SYT16: variants seen among roughly 807,000 people sequenced by gnomAD.
SYT16 encodes synaptotagmin 16, also known as synaptotagmin-16.
SYT16 carries 42 observed loss-of-function variants against 61.4 expected under a neutral mutation model. The ratio of observed to expected loss-of-function variants is 0.68; its 90% CI spans 0.53 to 0.89. The LOEUF (loss-of-function observed/expected upper bound fraction) is 0.89. SYT16 is among the 40% of genes least tolerant of loss of function. The pLI is 0.00. For missense variants in SYT16, 804 were observed against 807.3 expected, an observed-to-expected ratio of 1.00 and a Z score of 0.05; for synonymous variants, 314 against 302.3, an observed-to-expected ratio of 1.04 and a Z score of -0.40.
chr14:61,973,787 C>T (rs2051665599), intron 2 of SYT16, among the ~76,000 whole-genome samples: 1 of 152,064 alleles, frequency 6.6e-6, no homozygotes, highest in Admixed American at 6.6e-5. Flanking sequence ...GGCATTTCCT[C>T]CCAGGCAGGG....
intron 1 of SYT16, among the ~76,000 whole-genome samples, chr14:61,904,197 T>C (rs2048620692): frequency 6.6e-6 from 1 of 152,210 alleles, no homozygotes; most frequent in Non-Finnish European, 1.5e-5. Context: ...CTGTGGAGTT[T>C]TGAATGCCCT....
At chr14:61,992,423 G>A (rs1372719887) in intron 2 of SYT16, among the ~76,000 whole-genome samples, 1 of 152,098 alleles carries the variant, frequency 6.6e-6, no homozygotes, top group Non-Finnish European at 1.5e-5. Context: ...TATTCAGTGA[G>A]GACAAAAGGC....
At position 62,100,615 on chromosome 14, in the gene SYT16, A is replaced by G; in HGVS notation, c.1846A>G (p.Ser616Gly). ...MIGWIALGQN[S>G]SGEEEQDHWE... ...TGGCTGGATTGCCCTGGGCCAGAAC[A>G]GCAGTGGAGAGGAGGAACAAGATCA... Residue 616 changes from serine (S) to glycine (G), a missense_variant, in exon 8 of 8, where the codon AGC becomes GGC. Coordinates refer to ENST00000683842, the MANE Select transcript of SYT16 (RefSeq NM_001367656.1). The G allele has an allele frequency of 6.2e-7, 1 of 1,613,868 alleles. No individual in the cohort carries two copies. The highest frequency in any genetic ancestry group is 8.5e-7 in the Non-Finnish European group (1 of 1,179,820).
chr14:61,990,762 T>C (rs2052514946), intron 2 of SYT16, among the ~76,000 whole-genome samples: 1 of 152,124 alleles, frequency 6.6e-6, no homozygotes, highest in Non-Finnish European at 1.5e-5. Flanking sequence ...GTTGGAAAGA[T>C]TTAACTAACA....
At chr14:62,022,456 G>A (rs2053946827) in intron 3 of SYT16, among the ~76,000 whole-genome samples, 1 of 151,898 alleles carries the variant, frequency 6.6e-6, no homozygotes, top group East Asian at 1.9e-4. Context: ...AGTTCTCTTT[G>A]TTTTCTTAAG....
intron 3 of SYT16, among the ~76,000 whole-genome samples, chr14:62,046,218 T>G (rs1414906205): frequency 6.6e-6 from 1 of 152,244 alleles, no homozygotes; most frequent in Non-Finnish European, 1.5e-5. Flanking sequence ...ATGAGCATTT[T>G]TTCATGTGTT....
At chr14:61,930,596 C>A (rs1008349324) in intron 1 of SYT16, among the ~76,000 whole-genome samples, 2 of 151,984 alleles carry the variant, frequency 1.3e-5, no homozygotes, top group African/African-American at 2.4e-5. Flanking sequence ...CCCCACATCC[C>A]CTCAAGATGT....
rs546587277 is a variant in SYT16, at chr14:62,072,197, C to T, written c.736+2382C>T. Among the ~76,000 whole-genome samples, 4 of 152,092 alleles carry T rather than the reference C, an allele frequency of 2.6e-5. No homozygotes were observed. In the South Asian group the frequency reaches 8.3e-4, roughly 32 times the overall value. ...TGGAATAGTTATTCTGAGGATATTT[C>T]CTACAAGCTAGATGTTATTACTCTG... On this transcript the variant is annotated intron_variant, in intron 4 of 7. Transcript: ENST00000683842.
intron 1 of SYT16, among the ~76,000 whole-genome samples, chr14:61,871,448 G>A (rs1458267087): frequency 6.6e-6 from 1 of 152,122 alleles, no homozygotes; most frequent in East Asian, 1.9e-4. Context: ...ACTCCACCCT[G>A]CTTCTATTCA....
intron 1 of SYT16, among the ~76,000 whole-genome samples, chr14:61,940,279 A>T (rs1321636414): frequency 6.6e-6 from 1 of 150,826 alleles, no homozygotes; most frequent in Non-Finnish European, 1.5e-5. Context: ...GCTTAGGCTG[A>T]TGCTTAAAGG....
At chr14:62,017,371 A>C (rs2053730891) in intron 3 of SYT16, among the ~76,000 whole-genome samples, 1 of 152,152 alleles carries the variant, frequency 6.6e-6, no homozygotes. Context: ...AATCTCATTC[A>C]CATGCTGACA....
intron 2 of SYT16, among the ~76,000 whole-genome samples, chr14:61,985,630 A>G (rs181089535): frequency 5.3e-5 from 8 of 152,272 alleles, no homozygotes; most frequent in Non-Finnish European, 1.0e-4. Context: ...AGACTCTGAA[A>G]AAGGTATGAA....
At position 61,894,291 on chromosome 14, in the gene SYT16, T is replaced by TA. The variant is rs777805364; in HGVS notation, c.-324-75825dup. Among the ~76,000 whole-genome samples, 1,230 of 129,498 alleles carry TA rather than the reference T, an allele frequency of 9.5e-3. 9 individuals carry two copies. Among genetic ancestry groups the TA allele is most frequent in the African/African-American group, 0.025 (880 of 35,326 alleles). 85.0% of individuals were successfully genotyped at this position (129,498 alleles called of 152,430 possible). ...CAAGAACGAAACTCTGTCTCGAAAT[T>TA]AAAAAAAAAAAAAAAAGCCTGTTCA... is the stretch of plus-strand genomic sequence containing the variant. On this transcript the variant is annotated intron_variant, in intron 1 of 7. Transcript: ENST00000683842.
chr14:61,815,713 G>C (rs145197528), intron 1 of SYT16, among the ~76,000 whole-genome samples: 3 of 152,158 alleles, frequency 2.0e-5, no homozygotes, highest in African/African-American at 7.2e-5. Context: ...TCATGAAATC[G>C]TGAGGAACTT....
chr14:62,008,431 A>G (rs915708869), intron 3 of SYT16, among the ~76,000 whole-genome samples: 8 of 152,142 alleles, frequency 5.3e-5, no homozygotes, highest in Non-Finnish European at 1.2e-4. Flanking sequence ...AGAGTAATAT[A>G]ACAAAGAGTC....
At chr14:62,064,242 A>T (rs1003311852) in intron 3 of SYT16, among the ~76,000 whole-genome samples, 3 of 151,388 alleles carry the variant, frequency 2.0e-5, no homozygotes, top group African/African-American at 2.4e-5. Flanking sequence ...AGTTAAATGA[A>T]ACCCACATCA....
chr14:61,899,504 C>G (rs545379069), intron 1 of SYT16, among the ~76,000 whole-genome samples: 37 of 152,284 alleles, frequency 2.4e-4, no homozygotes, highest in Non-Finnish European at 5.0e-4. Context: ...ATGGAAGGTA[C>G]TCAGTATGGG....
At chr14:62,083,126 A>G (rs142135346) in intron 6 of SYT16, among the ~76,000 whole-genome samples, 358 of 144,714 alleles carry the variant, frequency 2.5e-3, no homozygotes, top group African/African-American at 8.8e-3. Context: ...CCGTTTACAA[A>G]CTATGTTCCA....
At chr14:61,914,653 A>C (rs1432813508) in intron 1 of SYT16, among the ~76,000 whole-genome samples, 1 of 152,138 alleles carries the variant, frequency 6.6e-6, no homozygotes, top group Non-Finnish European at 1.5e-5. Flanking sequence ...TTCATGCTTT[A>C]TATCCAGTCT....
Sources: allele counts gnomAD v4.1 joint callset (sites outside exome capture counted in the v4.1 genomes callset), GRCh38; gene constraint gnomAD v4.1.1; transcripts MANE v1.5; gene names NCBI Gene and HGNC (gene_info 2026-07-23, HGNC 2026-07-21).